The following COL14A1 variants were observed in gnomAD, a reference collection of about 807,000 sequenced individuals.
COL14A1 encodes collagen type XIV alpha 1 chain.
Under a neutral mutation model 230.3 loss-of-function variants are expected in COL14A1, and 136 were observed. The observed-to-expected ratio is 0.59, with a 90% CI of 0.51 to 0.68. COL14A1 has a LOEUF of 0.68. COL14A1 is among the 30% of genes least tolerant of loss of function. COL14A1 has a pLI of 0.00. For missense variants in COL14A1, 1,976 were observed against 2,215.8 expected (o/e 0.89, Z 2.17); for synonymous variants, 792 against 784.1 (o/e 1.01, Z -0.17).
chr8:120,370,352 T>A (rs1425950413), intron 47 of COL14A1: 2 of 1,612,294 alleles, frequency 1.2e-6, no homozygotes, highest in East Asian at 4.5e-5. Flanking sequence ...TCCCCTACAA[T>A]GATTACCAGC....
At chr8:120,317,241 C>T (rs1221340124) in intron 40 of COL14A1, among the ~76,000 whole-genome samples, 3 of 152,210 alleles carry the variant, frequency 2.0e-5, no homozygotes, top group Admixed American at 6.5e-5. Context: ...CTTCTCTACT[C>T]AAACAAGGCT....
chr8:120,345,319 C>T (rs1822463589), intron 44 of COL14A1, 56 bp from the exon 45 acceptor site: 2 of 1,480,136 alleles, frequency 1.4e-6, no homozygotes. Context: ...ACCCCTGGTC[C>T]TCTCTTTCCT....
intron 39 of COL14A1, 41 bp from the exon 40 acceptor site, chr8:120,315,903 T>G (rs1259678979): frequency 3.7e-6 from 6 of 1,607,528 alleles, no homozygotes; most frequent in Non-Finnish European, 5.1e-6. Context: ...AGATGACTCA[T>G]TCCTGTGAAC....
At chr8:120,201,509 G>T (rs1563668499) in intron 8 of COL14A1, among the ~76,000 whole-genome samples, 1 of 152,080 alleles carries the variant, frequency 6.6e-6, no homozygotes. Flanking sequence ...ACATTTACCA[G>T]CACACCCCTG....
At chr8:120,186,945 C>T (rs773795876) in intron 5 of COL14A1, among the ~76,000 whole-genome samples, 3 of 151,760 alleles carry the variant, frequency 2.0e-5, no homozygotes, top group Non-Finnish European at 4.4e-5. Flanking sequence ...GTGTGATGGG[C>T]ACAAAAAAAA....
chr8:120,262,297 A>G (rs1450705416), intron 23 of COL14A1, among the ~76,000 whole-genome samples: 1 of 152,002 alleles, frequency 6.6e-6, no homozygotes, highest in Non-Finnish European at 1.5e-5. Flanking sequence ...ACATGGTGAA[A>G]CTGCATCTCT....
intron 45 of COL14A1, among the ~76,000 whole-genome samples, chr8:120,357,049 ACT>A (rs1272721707): frequency 6.6e-6 from 1 of 151,990 alleles, no homozygotes; most frequent in Non-Finnish European, 1.5e-5. Flanking sequence ...GCAGAAAGAA[ACT>A]CTTATGTATT....
intron 45 of COL14A1, among the ~76,000 whole-genome samples, chr8:120,363,802 G>A (rs1031716891): frequency 2.6e-5 from 4 of 152,118 alleles, no homozygotes; most frequent in South Asian, 2.1e-4. Context: ...CCAAAGGATC[G>A]CAGTTACTAA....
intron 2 of COL14A1, among the ~76,000 whole-genome samples, chr8:120,157,741 T>C (rs1272547054): frequency 6.6e-6 from 1 of 151,784 alleles, no homozygotes; most frequent in Admixed American, 6.6e-5. Context: ...ATCCCAGCAC[T>C]TTGGGAGGCC....
At chr8:120,294,518 T>C (rs1053450728) in intron 34 of COL14A1, among the ~76,000 whole-genome samples, 8 of 151,472 alleles carry the variant, frequency 5.3e-5, no homozygotes, top group Middle Eastern at 3.4e-3. Context: ...AAAGGGCTGC[T>C]TCTTGGATTA....
intron 3 of COL14A1, among the ~76,000 whole-genome samples, chr8:120,161,541 A>AT (rs1174933062): frequency 1.3e-5 from 2 of 152,190 alleles, no homozygotes; most frequent in East Asian, 3.9e-4. Context: ...ATCCTCAGCC[A>AT]TTTGTGGTCA....
rs541633300 is a variant in COL14A1 at position 120,209,076 on chromosome 8, G to A, written c.1322-680G>A. Among the ~76,000 whole-genome samples, 34 of 152,196 alleles carry A rather than the reference G, an allele frequency of 2.2e-4. No individual in the cohort carries two copies. In the South Asian group the frequency reaches 7.0e-3, roughly 32 times the overall value. On this transcript the variant is annotated intron_variant, in intron 11 of 47. Coordinates refer to ENST00000297848, the MANE Select transcript of COL14A1 (RefSeq NM_021110.4). ...TGATCATCACTCTCTGAACTTTCTT[G>A]GATTTATCCCTGGCAACAATCTGTC...
At chr8:120,206,420 G>T (rs1271549921) in intron 9 of COL14A1, among the ~76,000 whole-genome samples, 1 of 152,090 alleles carries the variant, frequency 6.6e-6, no homozygotes, top group East Asian at 1.9e-4. Flanking sequence ...GCACGATCTC[G>T]GCTCACTGCA....
chr8:120,336,105 G>A (rs1822062912), intron 42 of COL14A1, among the ~76,000 whole-genome samples: 1 of 152,164 alleles, frequency 6.6e-6, no homozygotes, highest in South Asian at 2.1e-4. Flanking sequence ...GGGGTTGTGA[G>A]GGATACAAAA....
intron 9 of COL14A1, among the ~76,000 whole-genome samples, chr8:120,204,662 G>A (rs142792409): frequency 6.6e-6 from 1 of 152,322 alleles, no homozygotes; most frequent in East Asian, 1.9e-4. Flanking sequence ...GCAAACATAA[G>A]TTTTCATTTC....
intron 29 of COL14A1, 62 bp from the exon 30 acceptor site, chr8:120,280,649 G>A (rs1820004520): frequency 6.7e-7 from 1 of 1,488,216 alleles, no homozygotes. Flanking sequence ...CTCAGGACAG[G>A]GAAAGAGTAT....
intron 40 of COL14A1, among the ~76,000 whole-genome samples, chr8:120,322,624 C>T (rs1167060979): frequency 6.6e-6 from 1 of 152,180 alleles, no homozygotes; most frequent in Non-Finnish European, 1.5e-5. Context: ...TTAGCTCCCA[C>T]TTGTAAGTGA....
At chr8:120,326,334 G>A (rs887355275) in intron 40 of COL14A1, among the ~76,000 whole-genome samples, 6 of 152,160 alleles carry the variant, frequency 3.9e-5, no homozygotes, top group African/African-American at 1.4e-4. Context: ...GCACACTGTT[G>A]GTTTCTTTTC....
rs559694991 is a variant in COL14A1 at position 120,150,351 on chromosome 8, G to T, written c.88+2421G>T. 3.3e-5 allele frequency among the ~76,000 whole-genome samples: 5 copies of T among 152,254 alleles called. No homozygotes were observed. In the East Asian group the frequency reaches 9.7e-4, roughly 29 times the overall value. On this transcript the variant is annotated intron_variant, in intron 2 of 47. Coordinates refer to ENST00000297848, the MANE Select transcript of COL14A1 (RefSeq NM_021110.4). ...AGAGATCATTAAAATATACTAAATTGTCCATGAAATAGGTGTTGAAGGCTG... is the reference window on the plus strand; with the variant it reads ...AGAGATCATTAAAATATACTAAATTTTCCATGAAATAGGTGTTGAAGGCTG...
Sources: gnomAD v4.1 joint callset for allele counts (sites outside exome capture counted in the v4.1 genomes callset) on GRCh38, gnomAD v4.1.1 for gene constraint, MANE v1.5 for transcripts, NCBI Gene and HGNC (gene_info 2026-07-23, HGNC 2026-07-21) for gene names.